CIART: variants seen among roughly 807,000 people sequenced by gnomAD.
The protein encoded by CIART is circadian associated repressor of transcription.
In CIART, 7 loss-of-function variants were observed where a neutral mutation model predicts 22.1. That is an observed-to-expected ratio of 0.32 (90% CI 0.18 to 0.59). CIART has a LOEUF of 0.59. CIART is among the 20% of genes least tolerant of loss of function. CIART has a pLI of 0.86. For missense variants in CIART, 440 were observed against 478.0 expected (o/e 0.92, Z 0.74); for synonymous variants, 163 against 174.6 (o/e 0.93, Z 0.53).
Position 150,283,255 on chromosome 1 carries a change from T to A in CIART, c.-13T>A. 1 of 1,512,570 alleles carries A rather than the reference T, an allele frequency of 6.6e-7. No homozygotes were observed. The highest frequency in any genetic ancestry group is 1.4e-5 in the South Asian group (1 of 73,946). The allele number at this position is 1,512,570 out of a possible 1,614,324, so 93.7% of individuals were successfully genotyped here. ...ACTCCAGGAGCTGTTCTATAGCCCCTGCTTCTGGACCTATGGATTCTCCAT... is the reference window on the plus strand; with the variant it reads ...ACTCCAGGAGCTGTTCTATAGCCCCAGCTTCTGGACCTATGGATTCTCCAT... On this transcript the variant is annotated 5_prime_UTR_variant, in exon 1 of 5. Coordinates refer to ENST00000290363, the MANE Select transcript of CIART (RefSeq NM_144697.4).
In CIART at chr1:150,286,938, A is replaced by G; in HGVS notation, c.1142A>G (p.His381Arg). The G allele has an allele frequency of 1.3e-6, 2 of 1,581,062 alleles. No homozygotes were observed. Among genetic ancestry groups the G allele is most frequent in the African/African-American group, 1.3e-5 (1 of 74,440 alleles). ...CATCCTCCAGTTGCTGCTGATGCTC[A>G]TCTTCTCAACCTCTAGCCCAGGGCA... is the stretch of plus-strand genomic sequence containing the variant. ...RSHPPVAADA[H>R]LLNL Residue 381 changes from histidine (H) to arginine (R), a missense_variant, in exon 5 of 5, where the codon CAT (histidine) becomes CGT (arginine). His to Arg is a conservative substitution (Grantham distance 29). Coordinates refer to ENST00000290363, the MANE Select transcript of CIART (RefSeq NM_144697.4).
chr1:150,286,509 G>A lies in CIART; in HGVS notation c.713G>A (p.Gly238Glu). The A allele has an allele frequency of 9.5e-6, 15 of 1,584,010 alleles. No homozygotes were observed. Among genetic ancestry groups the A allele is most frequent in the Non-Finnish European group, 1.1e-5 (13 of 1,152,876 alleles). Reference sequence around the variant, plus strand: ...GAAAAGATGGACCAGACACAGCTAGGACATCTAGCTTTAAAACCAAAGCAG... The same window carrying A: ...GAAAAGATGGACCAGACACAGCTAGAACATCTAGCTTTAAAACCAAAGCAG... ...PMEKMDQTQL[G>E]HLALKPKQPW... is the part of the protein sequence containing the mutation. The change falls in exon 5 of 5, where the codon GGA (glycine) becomes GAA (glutamate). Residue 238 changes from glycine to glutamate, a missense_variant. By Grantham distance (98) the Gly-to-Glu change is moderately conservative. Transcript: ENST00000290363.
chr1:150,283,675 T>G, intron 1 of CIART, 42 bp downstream of exon 1: 1 of 1,603,388 alleles, frequency 6.2e-7, no homozygotes, highest in Non-Finnish European at 8.5e-7. Context: ...TGGAGTGCCT[T>G]AGCACCCAGC....
chr1:150,284,875 T>C (rs1243094405), intron 4 of CIART, 167 bp downstream of exon 4: 1 of 564,390 alleles, frequency 1.8e-6, no homozygotes, highest in South Asian at 2.2e-5. Context: ...CTACATGTTT[T>C]GTTGTTGTTG....
Position 150,285,197 on chromosome 1 carries a change from G to A in CIART, c.633+489G>A, listed in dbSNP as rs182246783. On this transcript the variant is annotated intron_variant, in intron 4 of 4. Transcript: ENST00000290363. ...ACCTCACTGGAAGTAGGGGAGGGGG[G>A]CACCAATAGCAGCAGTGTTGATAGA... is the stretch of plus-strand genomic sequence containing the variant. The A allele has an allele frequency of 2.0e-4, 35 of 176,090 alleles. No individual in the cohort carries two copies. The East Asian group carries it at 6.1e-3, about 31-fold the overall frequency. 10.9% of individuals were successfully genotyped at this position (176,090 alleles called of 1,614,324 possible). A position where few individuals can be genotyped will look rare whatever the true frequency, so the allele number is the denominator to read the frequency against.
rs1045317921 is a variant in CIART, at chr1:150,283,012, T to A, written c.-256T>A. Reference sequence around the variant, plus strand: ...GGCCGCGTCAGACCGAGAGCTGCTCTGCGGCGGCCAGAGAGGGAATCCCAA... The same window carrying A: ...GGCCGCGTCAGACCGAGAGCTGCTCAGCGGCGGCCAGAGAGGGAATCCCAA... On this transcript the variant is annotated 5_prime_UTR_variant, in exon 1 of 5. Coordinates refer to ENST00000290363, the MANE Select transcript of CIART (RefSeq NM_144697.4). The A allele has an allele frequency of 1.2e-4, 29 of 240,132 alleles. No homozygotes were observed. Among genetic ancestry groups the A allele is most frequent in the Non-Finnish European group, 2.0e-4 (27 of 136,916 alleles). 14.9% of individuals were successfully genotyped at this position (240,132 alleles called of 1,614,324 possible).
In CIART at chr1:150,286,548, C is replaced by T. The variant is rs1553854665; in HGVS notation, c.752C>T (p.Thr251Ile). The T allele has an allele frequency of 6.2e-7, 1 of 1,603,958 alleles. No individual in the cohort carries two copies. The highest frequency in any genetic ancestry group is 2.2e-5 in the East Asian group (1 of 44,842). The change falls in exon 5 of 5, where the codon ACA (threonine) becomes ATA (isoleucine). Residue 251 changes from threonine to isoleucine, a missense_variant. Physicochemically the swap from Thr to Ile is moderately conservative, Grantham distance 89. Coordinates refer to ENST00000290363, the MANE Select transcript of CIART (RefSeq NM_144697.4). ...ALKPKQPWHLTQWPAMNLTWI... is the reference protein window; with the variant it reads ...ALKPKQPWHLIQWPAMNLTWI... ...AAACCAAAGCAGCCTTGGCACCTCA[C>T]ACAATGGCCAGCTATGAACCTCACC...
Position 150,286,989 on chromosome 1 carries a change from T to C in CIART, c.*35T>C, listed in dbSNP as rs1653538114. The C allele has an allele frequency of 6.9e-7, 1 of 1,455,878 alleles. No individual in the cohort carries two copies. The highest frequency in any genetic ancestry group is 9.2e-7 in the Non-Finnish European group (1 of 1,081,114). 90.2% of individuals were successfully genotyped at this position (1,455,878 alleles called of 1,614,324 possible). ...TACAGCTGTCCACTGTGACTTCTAATTTGTGTAAATATTTATGTATATATG... is the reference window on the plus strand; with the variant it reads ...TACAGCTGTCCACTGTGACTTCTAACTTGTGTAAATATTTATGTATATATG... On this transcript the variant is annotated 3_prime_UTR_variant, in exon 5 of 5. Transcript: ENST00000290363.
chr1:150,285,053 C>T (rs1553854346), intron 4 of CIART: 3 of 282,646 alleles, frequency 1.1e-5, no homozygotes, highest in African/African-American at 2.3e-5. Context: ...CTCTTTTTTC[C>T]CTACTGCCCC....
In CIART at chr1:150,283,522, G is replaced by A. The variant is rs782094273; in HGVS notation, c.255G>A (p.Ser85=). ...HTPSHPKQRG[S]ASPMAGSGAK... is the part of the protein sequence containing the mutation. ...CATCTCATCCGAAACAGCGGGGTTC[G>A]GCTTCTCCTATGGCAGGATCTGGGG... The change falls in exon 1 of 5, where the codon TCG becomes TCA. Residue 85 remains serine, a synonymous_variant. Coordinates refer to ENST00000290363, the MANE Select transcript of CIART (RefSeq NM_144697.4). 8.7e-6 allele frequency: 14 copies of A among 1,614,204 alleles called. No homozygotes were observed. The highest frequency in any genetic ancestry group is 6.7e-5 in the Admixed American group (4 of 60,028).
chr1:150,285,993 C>T (rs1433177156), intron 4 of CIART, among the ~76,000 whole-genome samples: 1 of 152,000 alleles, frequency 6.6e-6, no homozygotes, highest in Non-Finnish European at 1.5e-5. Flanking sequence ...TTTAAAAAAA[C>T]AGTAGGAGGA....
chr1:150,283,500 C>G lies in CIART; in HGVS notation c.233C>G (p.Ser78Cys). The G allele has an allele frequency of 6.2e-7, 1 of 1,614,262 alleles. No homozygotes were observed. The highest frequency in any genetic ancestry group is 8.5e-7 in the Non-Finnish European group (1 of 1,180,048). ...GTTTCCGGTAACCAGCATACACCAT[C>G]TCATCCGAAACAGCGGGGTTCGGCT... is the stretch of plus-strand genomic sequence containing the variant. ...SKVSGNQHTP[S>C]HPKQRGSASP... Residue 78 changes from serine to cysteine, a missense_variant, in exon 1 of 5, where the codon TCT becomes TGT. Transcript: ENST00000290363.
chr1:150,284,901 T>A, intron 4 of CIART, 193 bp downstream of exon 4: 1 of 600,582 alleles, frequency 1.7e-6, no homozygotes, highest in Non-Finnish European at 2.9e-6. Context: ...GTTGTTGTTT[T>A]GTTTGAATCA....
At position 150,287,018 on chromosome 1, in the gene CIART, T is replaced by A. The variant is rs1653540970; in HGVS notation, c.*64T>A. The A allele has an allele frequency of 2.2e-6, 3 of 1,385,278 alleles. No individual in the cohort carries two copies. In the South Asian group the frequency reaches 4.6e-5, roughly 21 times the overall value. 85.8% of individuals were successfully genotyped at this position (1,385,278 alleles called of 1,614,324 possible). ...TGTAAATATTTATGTATATATGTAT[T>A]TTTACTATTAATGTGTGCATTTGTG... On this transcript the variant is annotated 3_prime_UTR_variant, in exon 5 of 5. Coordinates refer to ENST00000290363, the MANE Select transcript of CIART (RefSeq NM_144697.4).
rs1233980732 is a variant in CIART at position 150,284,895 on chromosome 1, T to A, written c.633+187T>A. ...TGTTTTGTTGTTGTTGTTGTTGTTG[T>A]TGTTTTGTTTGAATCACTGGGAGGA... On this transcript the variant is annotated intron_variant, in intron 4 of 4. Coordinates refer to ENST00000290363, the MANE Select transcript of CIART (RefSeq NM_144697.4). 3 of 604,718 alleles carry A rather than the reference T, an allele frequency of 5.0e-6. No homozygotes were observed. The African/African-American group carries it at 5.6e-5, about 11-fold the overall frequency. The allele number at this position is 604,718 out of a possible 1,614,324, so 37.5% of individuals were successfully genotyped here.
Position 150,284,003 on chromosome 1 carries a change from T to TTTATTGTTATTATTATTATTA in CIART, c.442+128_442+129insGTTATTATTATTATTATTATT, listed in dbSNP as rs587613531. 6.4e-3 allele frequency: 3,136 copies of TTTATTGTTATTATTATTATTA among 490,054 alleles called. 105 individuals carry two copies. The African/African-American group carries it at 0.071, about 11-fold the overall frequency. The allele number at this position is 490,054 out of a possible 1,614,324, so 30.4% of individuals were successfully genotyped here. A position where few individuals can be genotyped will look rare whatever the true frequency, so the allele number is the denominator to read the frequency against. On this transcript the variant is annotated intron_variant, in intron 2 of 4. Transcript: ENST00000290363. ...ATTACTCCTTTTTTGCTACTATGACTTTATTATTATTATTATTATTATTAT... is the reference window on the plus strand; with the variant it reads ...ATTACTCCTTTTTTGCTACTATGACTTTATTGTTATTATTATTATTATTATTATTATTATTATTATTATTAT...
rs1553853798 is a variant in CIART, at chr1:150,282,965, A to C, written c.-303A>C. 1 of 188,052 alleles carries C rather than the reference A, an allele frequency of 5.3e-6. No individual in the cohort carries two copies. Among genetic ancestry groups the C allele is most frequent in the Admixed American group, 5.8e-5 (1 of 17,274 alleles). 11.6% of individuals were successfully genotyped at this position (188,052 alleles called of 1,614,324 possible). A position where few individuals can be genotyped will look rare whatever the true frequency, so the allele number is the denominator to read the frequency against. ...TCTTTCAAGTCGGTATTTACTCTGA[A>C]CTGAGGGAAGAAAAGAACGGAGGCC... On this transcript the variant is annotated 5_prime_UTR_variant, in exon 1 of 5. Transcript: ENST00000290363.
At position 150,283,197 on chromosome 1, in the gene CIART, T is replaced by C; in HGVS notation, c.-71T>C. On this transcript the variant is annotated 5_prime_UTR_variant, in exon 1 of 5. Transcript: ENST00000290363. Reference sequence around the variant, plus strand: ...AACTCTGGTTTCAAACTCCCTCGCTTTGCTCTTCAGTTGCAGGTTCCGATC... The same window carrying C: ...AACTCTGGTTTCAAACTCCCTCGCTCTGCTCTTCAGTTGCAGGTTCCGATC... 1 of 1,415,582 alleles carries C rather than the reference T, an allele frequency of 7.1e-7. No homozygotes were observed. Among genetic ancestry groups the C allele is most frequent in the Non-Finnish European group, 9.5e-7 (1 of 1,057,454 alleles). 87.7% of individuals were successfully genotyped at this position (1,415,582 alleles called of 1,614,324 possible). A position where few individuals can be genotyped will look rare whatever the true frequency, so the allele number is the denominator to read the frequency against.
chr1:150,283,912 G>C (rs1553854107), intron 2 of CIART, 32 bp downstream of exon 2: 1 of 1,493,780 alleles, frequency 6.7e-7, no homozygotes, highest in South Asian at 1.1e-5. Context: ...TTTGGGCTAG[G>C]TTCATTTCTC....
Sources: gnomAD v4.1 joint callset for allele counts (sites outside exome capture counted in the v4.1 genomes callset) on GRCh38, gnomAD v4.1.1 for gene constraint, MANE v1.5 for transcripts, NCBI Gene and HGNC (gene_info 2026-07-23, HGNC 2026-07-21) for gene names.